The following AKT3 variants were observed in gnomAD, a reference collection of about 807,000 sequenced individuals.
AKT3 encodes the protein RAC-gamma serine/threonine-protein kinase.
In AKT3, 15 loss-of-function variants were observed where a neutral mutation model predicts 65.3. The ratio of observed to expected loss-of-function variants is 0.23; its 90% CI spans 0.15 to 0.35. The LOEUF (loss-of-function observed/expected upper bound fraction) is 0.35. Ranked by LOEUF, AKT3 falls within the 10% of genes least tolerant of loss-of-function variation. AKT3 has a pLI of 1.00. For synonymous variants in AKT3, 206 were observed against 183.8 expected, an observed-to-expected ratio of 1.12 and a Z score of -0.98; for missense variants, 243 against 576.5, an observed-to-expected ratio of 0.42 and a Z score of 5.92.
At chr1:243,747,889 A>G (rs1473998385) in intron 2 of AKT3, among the ~76,000 whole-genome samples, 1 of 152,230 alleles carries the variant, frequency 6.6e-6, no homozygotes, top group Non-Finnish European at 1.5e-5. Context: ...AAGAGTCAGT[A>G]ATGAAACGAT....
At chr1:243,581,970 C>T (rs375191954) in intron 8 of AKT3, among the ~76,000 whole-genome samples, 4 of 151,236 alleles carry the variant, frequency 2.6e-5, no homozygotes, top group African/African-American at 4.9e-5. Context: ...AACAATAGAC[C>T]GGCCCAAGCA....
chr1:243,810,203 T>A (rs1032266893), intron 2 of AKT3, among the ~76,000 whole-genome samples: 1 of 151,958 alleles, frequency 6.6e-6, no homozygotes, highest in Non-Finnish European at 1.5e-5. Flanking sequence ...GATAGAGACA[T>A]AAAAAACCCT....
chr1:243,521,011 C>T (rs1176775933), intron 12 of AKT3, among the ~76,000 whole-genome samples: 2 of 152,128 alleles, frequency 1.3e-5, no homozygotes, highest in Non-Finnish European at 2.9e-5. Flanking sequence ...GCATGAACAC[C>T]AAGGTCTCTG....
intron 2 of AKT3, among the ~76,000 whole-genome samples, chr1:243,703,604 T>A (rs1685602034): frequency 6.6e-6 from 1 of 151,350 alleles, no homozygotes. Flanking sequence ...ACTAAAAATA[T>A]AAAAATTAGC....
chr1:243,741,423 A>C (rs1003434079), intron 2 of AKT3, among the ~76,000 whole-genome samples: 1 of 152,204 alleles, frequency 6.6e-6, no homozygotes, highest in Non-Finnish European at 1.5e-5. Flanking sequence ...TTTTACAGTG[A>C]CCATTCTATC....
At chr1:243,546,536 G>C (rs995116617) in intron 11 of AKT3, 2 of 151,968 alleles carry the variant, frequency 1.3e-5, no homozygotes, top group Non-Finnish European at 2.9e-5. Context: ...AATGATATGT[G>C]CTGGTAAGTG....
chr1:243,719,948 T>C (rs1050299521), intron 2 of AKT3, among the ~76,000 whole-genome samples: 1 of 152,240 alleles, frequency 6.6e-6, no homozygotes, highest in Non-Finnish European at 1.5e-5. Context: ...ACATCTCTTG[T>C]ATGTTCTTAA....
rs1011544159 is a variant in AKT3 at position 243,831,692 on chromosome 1, T to G, written c.46+11433A>C. 3.3e-5 allele frequency among the ~76,000 whole-genome samples: 5 copies of G among 152,076 alleles called. No individual in the cohort carries two copies. The East Asian group carries it at 9.6e-4, about 29-fold the overall frequency. The stretch of plus-strand genomic sequence containing the variant: ...CTTCTCTGCATTCTCCACTGGGAAG[T>G]AGAGCAGTGAATAATATTACTCACA... On this transcript the variant is annotated intron_variant, in intron 2 of 13. Transcript: ENST00000673466.
At position 243,511,440 on chromosome 1, in the gene AKT3, G is replaced by A. The variant is rs545091274; in HGVS notation, c.1354+884C>T. On this transcript the variant is annotated intron_variant, in intron 13 of 13. Transcript: ENST00000673466. ...ATTAGCCTCCAATCGCCCCTCTCCCGGACACTGAGTCCACATCAGCACTAT... is the reference window on the plus strand; with the variant it reads ...ATTAGCCTCCAATCGCCCCTCTCCCAGACACTGAGTCCACATCAGCACTAT... Among the ~76,000 whole-genome samples the A allele has an allele frequency of 5.3e-5, 8 of 151,998 alleles. No individual in the cohort carries two copies. The East Asian group carries it at 7.7e-4, about 15-fold the overall frequency.
chr1:243,725,668 T>C (rs1687167210), intron 2 of AKT3, among the ~76,000 whole-genome samples: 2 of 152,222 alleles, frequency 1.3e-5, no homozygotes. Context: ...GATCATTACA[T>C]TCCTTTTGAA....
chr1:243,669,317 C>T (rs150453335), intron 3 of AKT3, among the ~76,000 whole-genome samples: 2 of 152,148 alleles, frequency 1.3e-5, no homozygotes, highest in African/African-American at 4.8e-5. Flanking sequence ...TGGCTTTAAA[C>T]GTAAAGAATG....
intron 7 of AKT3, 31 bp downstream of exon 7, chr1:243,615,065 C>T (rs368860165): frequency 7.0e-6 from 10 of 1,424,724 alleles, no homozygotes; most frequent in South Asian, 3.7e-5. Flanking sequence ...TCAAATGTTA[C>T]GATTATAACA....
intron 12 of AKT3, 64 bp downstream of exon 12, chr1:243,545,446 G>T (rs1023443805): frequency 7.9e-6 from 7 of 889,234 alleles, no homozygotes; most frequent in Non-Finnish European, 1.1e-5. Context: ...AAATATTTTT[G>T]CTATAAATTC....
chr1:243,774,072 A>G (rs1444504044), intron 2 of AKT3, among the ~76,000 whole-genome samples: 1 of 152,214 alleles, frequency 6.6e-6, no homozygotes, highest in South Asian at 2.1e-4. Flanking sequence ...AAAAGGTCAC[A>G]AAAGGGTCCT....
chr1:243,649,683 G>C (rs906368240), intron 4 of AKT3, among the ~76,000 whole-genome samples: 6 of 151,972 alleles, frequency 3.9e-5, no homozygotes, highest in African/African-American at 9.7e-5. Flanking sequence ...CTATTCTTGT[G>C]ATAGTTGGTT....
intron 2 of AKT3, among the ~76,000 whole-genome samples, chr1:243,725,383 G>C (rs1214485016): frequency 1.3e-5 from 2 of 152,118 alleles, no homozygotes; most frequent in African/African-American, 4.8e-5. Flanking sequence ...CCAGTGACTA[G>C]AGTGAGTGAA....
At chr1:243,710,635 A>G (rs1466365338) in intron 2 of AKT3, among the ~76,000 whole-genome samples, 1 of 152,202 alleles carries the variant, frequency 6.6e-6, no homozygotes, top group Non-Finnish European at 1.5e-5. Context: ...TGCCGGATGA[A>G]AACAATTTGA....
At chr1:243,801,436 C>T (rs1692376181) in intron 2 of AKT3, among the ~76,000 whole-genome samples, 1 of 152,152 alleles carries the variant, frequency 6.6e-6, no homozygotes, top group South Asian at 2.1e-4. Context: ...ACAGGACTTG[C>T]CATGCCATGG....
intron 3 of AKT3, among the ~76,000 whole-genome samples, chr1:243,682,759 T>C (rs1322060151): frequency 1.3e-5 from 2 of 152,188 alleles, no homozygotes; most frequent in African/African-American, 4.8e-5. Context: ...CAGCCAAAGT[T>C]TCTCAGAAAT....
Sources: gnomAD v4.1 joint callset for allele counts (sites outside exome capture counted in the v4.1 genomes callset) on GRCh38, gnomAD v4.1.1 for gene constraint, MANE v1.5 for transcripts, NCBI Gene and HGNC (gene_info 2026-07-23, HGNC 2026-07-21) for gene names.